LANCL3: variants seen among roughly 807,000 people sequenced by gnomAD.
LANCL3 encodes lanC-like protein 3.
In LANCL3, 19 loss-of-function variants were observed where a neutral mutation model predicts 26.5. The observed-to-expected ratio is 0.72, with a 90% CI of 0.50 to 1.05. The LOEUF is 1.05. Among genes scored for constraint, LANCL3 ranks in the 50% least tolerant of loss-of-function variants. LANCL3 has a pLI of 0.00. For missense variants in LANCL3, 318 were observed against 362.7 expected (o/e 0.88, Z 1.00); for synonymous variants, 160 against 166.6 (o/e 0.96, Z 0.30).
At chrX:37,627,759 C>G (rs989799392) in intron 1 of LANCL3, among the ~76,000 whole-genome samples, 2 of 112,026 alleles carry the variant, frequency 1.8e-5, no homozygotes, top group Middle Eastern at 4.6e-3. Flanking sequence ...CTATGATTAA[C>G]ACCCATGGGC....
intron 1 of LANCL3, among the ~76,000 whole-genome samples, chrX:37,655,092 A>G (rs1926250905): frequency 8.9e-6 from 1 of 112,900 alleles, no homozygotes; most frequent in Non-Finnish European, 1.9e-5. Flanking sequence ...AAGTCATTAC[A>G]TTTTAGCCAT....
chrX:37,657,389 G>T (rs1403973524), intron 2 of LANCL3, among the ~76,000 whole-genome samples: 2 of 111,359 alleles, frequency 1.8e-5, no homozygotes, highest in African/African-American at 6.5e-5. Flanking sequence ...TTGAGACAAG[G>T]TCTTGCTCTG....
chrX:37,613,430 G>A (rs998251855), intron 1 of LANCL3, among the ~76,000 whole-genome samples: 6 of 111,134 alleles, frequency 5.4e-5, no homozygotes, highest in African/African-American at 1.3e-4. Context: ...ATATAGTAAA[G>A]TGCACCCATC....
intron 1 of LANCL3, among the ~76,000 whole-genome samples, chrX:37,590,409 T>G (rs1475161132): frequency 8.9e-6 from 1 of 112,522 alleles, no homozygotes; most frequent in Non-Finnish European, 1.9e-5. Flanking sequence ...TTTCAAGTGT[T>G]TCTTCAGCTA....
chrX:37,674,643 A>G, intron 4 of LANCL3, among the ~76,000 whole-genome samples: 1 of 111,884 alleles, frequency 8.9e-6, no homozygotes, highest in South Asian at 3.7e-4. Flanking sequence ...AAATTGTTTC[A>G]TATTCAGGAA....
intron 1 of LANCL3, among the ~76,000 whole-genome samples, chrX:37,638,392 C>G (rs971197604): frequency 7.1e-4 from 79 of 111,483 alleles, no homozygotes; most frequent in African/African-American, 2.5e-3. Flanking sequence ...GGTGTATCAG[C>G]CTGGAGGTAA....
At chrX:37,586,963 G>T (rs367698528) in intron 1 of LANCL3, among the ~76,000 whole-genome samples, 180 of 112,377 alleles carry the variant, frequency 1.6e-3, no homozygotes, top group African/African-American at 5.6e-3. Flanking sequence ...GTGATGTACA[G>T]ATGGGGTTTT....
intron 1 of LANCL3, among the ~76,000 whole-genome samples, chrX:37,634,985 C>T (rs782391778): frequency 7.2e-4 from 78 of 109,015 alleles, no homozygotes; most frequent in African/African-American, 2.5e-3. Flanking sequence ...AAAATAAATT[C>T]AAAGGGATGT....
intron 1 of LANCL3, among the ~76,000 whole-genome samples, chrX:37,624,879 C>T (rs1275075700): frequency 1.8e-5 from 2 of 111,844 alleles, no homozygotes; most frequent in African/African-American, 6.5e-5. Context: ...TCCTGGCCTT[C>T]ACTGCTTCCT....
intron 1 of LANCL3, among the ~76,000 whole-genome samples, chrX:37,606,836 C>T (rs782288190): frequency 2.7e-5 from 3 of 112,398 alleles, no homozygotes; most frequent in South Asian, 3.7e-4. Flanking sequence ...GTGTTTCAAA[C>T]ACTTTTGATG....
At chrX:37,572,502 G>C in intron 1 of LANCL3, 59 bp downstream of exon 1, 2 of 1,007,987 alleles carry the variant, frequency 2.0e-6, no homozygotes, top group Non-Finnish European at 2.7e-6. Context: ...TCCTTTCCCC[G>C]GACTCCGTGG....
intron 3 of LANCL3, among the ~76,000 whole-genome samples, chrX:37,663,812 T>C (rs2146788045): frequency 9.0e-6 from 1 of 111,366 alleles, no homozygotes; most frequent in East Asian, 2.8e-4. Flanking sequence ...CACCAAGCTC[T>C]TTCCTCAGGT....
chrX:37,649,000 TTGG>T (rs1471070966), intron 1 of LANCL3, among the ~76,000 whole-genome samples: 4 of 111,916 alleles, frequency 3.6e-5, no homozygotes, highest in African/African-American at 1.3e-4. Flanking sequence ...TTTTACACTG[TTGG>T]TGGGAGTGTA....
At position 37,678,363 on chromosome X, in the gene LANCL3, T is replaced by C. The variant is rs1441054583; in HGVS notation, c.*2550T>C. On this transcript the variant is annotated 3_prime_UTR_variant, in exon 5 of 5. Coordinates refer to ENST00000378619, the MANE Select transcript of LANCL3 (RefSeq NM_001170331.2). ...CCCTTCTCTGTGGTAGCATTTTTAA[T>C]GTAGTACTTAAGGCTGTTGTCTCTT... The C allele has an allele frequency of 9.0e-6, 1 of 111,167 alleles. No homozygotes were observed. The highest frequency in any genetic ancestry group is 9.6e-5 in the Admixed American group (1 of 10,446). 9.2% of individuals were successfully genotyped at this position (111,167 alleles called of 1,213,427 possible). A position where few individuals can be genotyped will look rare whatever the true frequency, so the allele number is the denominator to read the frequency against.
chrX:37,611,171 T>A (rs782237397), intron 1 of LANCL3, among the ~76,000 whole-genome samples: 5 of 112,117 alleles, frequency 4.5e-5, no homozygotes, highest in African/African-American at 6.5e-5. Context: ...ACTTGCAGCT[T>A]GTCCTATTCC....
At chrX:37,668,569 G>A (rs1569470571) in intron 4 of LANCL3, 1 of 203,054 alleles carries the variant, frequency 4.9e-6, no homozygotes, top group Non-Finnish European at 9.9e-6. Context: ...CATTTTGAAG[G>A]GACTTAGAAG....
At chrX:37,622,842 G>A (rs1435928033) in intron 1 of LANCL3, among the ~76,000 whole-genome samples, 1 of 111,864 alleles carries the variant, frequency 8.9e-6, no homozygotes. Flanking sequence ...TACTGTACCA[G>A]ATTAAGACCT....
At chrX:37,661,004 GGGC>G (rs1926406030) in intron 3 of LANCL3, among the ~76,000 whole-genome samples, 1 of 85,654 alleles carries the variant, frequency 1.2e-5, no homozygotes, top group Admixed American at 1.1e-4. Context: ...CCTTTTTTGT[GGGC>G]GGGGGGGGAA....
At chrX:37,580,969 T>C (rs1923876753) in intron 1 of LANCL3, among the ~76,000 whole-genome samples, 1 of 112,020 alleles carries the variant, frequency 8.9e-6, no homozygotes, top group African/African-American at 3.3e-5. Context: ...GTGATTTCAA[T>C]TGGTGATCCT....
Sources: gnomAD v4.1 joint callset for allele counts (sites outside exome capture counted in the v4.1 genomes callset) on GRCh38, gnomAD v4.1.1 for gene constraint, MANE v1.5 for transcripts, NCBI Gene and HGNC (gene_info 2026-07-23, HGNC 2026-07-21) for gene names.